CDH18: variants seen among roughly 807,000 people sequenced by gnomAD.
CDH18 encodes the protein cadherin 18, also known as cadherin-18.
Under a neutral mutation model 67.9 loss-of-function variants are expected in CDH18, and 31 were observed. That is an observed-to-expected ratio of 0.46 (90% CI 0.34 to 0.62). The LOEUF is 0.62. CDH18 is among the 20% of genes least tolerant of loss of function. The probability of loss-of-function intolerance (pLI) is 0.01; values close to 1 mark genes in which losing one functional copy is unlikely to be tolerated. For synonymous variants in CDH18, 362 were observed against 347.2 expected (o/e 1.04, Z -0.48); for missense variants, 890 against 975.5 (o/e 0.91, Z 1.17).
intron 10 of CDH18, among the ~76,000 whole-genome samples, chr5:19,509,546 G>A (rs138327197): frequency 1.4e-3 from 213 of 152,142 alleles, no homozygotes; most frequent in Admixed American, 3.1e-3. Context: ...ATCAACTTTT[G>A]TTATTTAAAT....
At chr5:20,381,644 G>C (rs888973227) in intron 1 of CDH18, among the ~76,000 whole-genome samples, 1 of 151,882 alleles carries the variant, frequency 6.6e-6, no homozygotes, top group South Asian at 2.1e-4. Context: ...AAAATGTCTG[G>C]GACTTAATAA....
intron 1 of CDH18, among the ~76,000 whole-genome samples, chr5:20,551,453 G>A (rs771260697): frequency 2.0e-4 from 31 of 152,086 alleles, no homozygotes; most frequent in Non-Finnish European, 2.9e-5. Flanking sequence ...TGCAAGTTAA[G>A]GTTGTGACTT....
intron 1 of CDH18, among the ~76,000 whole-genome samples, chr5:20,334,638 A>T (rs73056772): frequency 0.11 from 16,635 of 152,036 alleles, 1,506 homozygotes; most frequent in East Asian, 0.36. Context: ...AAAGAAGAAT[A>T]GTCCACATTA....
chr5:19,598,498 C>T (rs1377326775), intron 6 of CDH18, among the ~76,000 whole-genome samples: 3 of 151,754 alleles, frequency 2.0e-5, no homozygotes, highest in African/African-American at 7.3e-5. Flanking sequence ...AAGTTTACAA[C>T]AAAAGAAGGA....
At position 19,612,450 on chromosome 5, in the gene CDH18, T is replaced by C; in HGVS notation, c.795A>G (p.Pro265=). 6.2e-7 allele frequency: 1 copy of C among 1,614,072 alleles called. No individual in the cohort carries two copies. ...AATACGTACTTTGAGGAAAGCGTGG[T>C]GGGTTGTCATTGACATCGGTTAAGG... ...NITLTDVNDN[P]PRFPQKHYQL... Residue 265 remains proline (P), a synonymous_variant, in exon 6 of 13, where the codon CCA becomes CCG. Coordinates refer to ENST00000382275, the MANE Select transcript of CDH18 (RefSeq NM_004934.5).
intron 5 of CDH18, among the ~76,000 whole-genome samples, chr5:19,690,679 A>G (rs1248377674): frequency 6.6e-6 from 1 of 151,866 alleles, no homozygotes; most frequent in Non-Finnish European, 1.5e-5. Context: ...GAAAAACTAG[A>G]GAAAATAGAT....
chr5:19,696,224 T>C (rs935745933), intron 5 of CDH18, among the ~76,000 whole-genome samples: 22 of 74,032 alleles, frequency 3.0e-4, no homozygotes, highest in Non-Finnish European at 5.5e-4. Context: ...GCACCAAATA[T>C]ATGTGTGTGT....
chr5:20,211,932 T>C (rs1237988701), intron 2 of CDH18, among the ~76,000 whole-genome samples: 1 of 152,136 alleles, frequency 6.6e-6, no homozygotes, highest in Non-Finnish European at 1.5e-5. Context: ...AAAATGACTT[T>C]GACGAGTTGA....
rs538822597 is a variant in CDH18, at chr5:20,192,708, A to G, written c.-518+62736T>C. 2.5e-4 allele frequency among the ~76,000 whole-genome samples: 38 copies of G among 152,072 alleles called. 1 individual carries two copies. The South Asian group carries it at 7.9e-3, about 32-fold the overall frequency. ...GGTCTTTCTTCTGCTCCATTGGTCT[A>G]TATGTCTGTTTTGGTACCAGCACCA... On this transcript the variant is annotated intron_variant, in intron 2 of 14. Coordinates refer to the CDH18 transcript ENST00000507958.
intron 1 of CDH18, among the ~76,000 whole-genome samples, chr5:20,281,124 T>G (rs1192394310): frequency 1.3e-5 from 2 of 152,074 alleles, no homozygotes; most frequent in Non-Finnish European, 2.9e-5. Context: ...GTCAGATGAG[T>G]AGGTTGCAAA....
chr5:19,550,804 G>A (rs1262448056), intron 8 of CDH18, among the ~76,000 whole-genome samples: 1 of 152,106 alleles, frequency 6.6e-6, no homozygotes, highest in African/African-American at 2.4e-5. Flanking sequence ...GGGTCAAATG[G>A]TATTTCTAGT....
intron 1 of CDH18, among the ~76,000 whole-genome samples, chr5:20,257,781 C>T (rs1744358698): frequency 6.6e-6 from 1 of 152,132 alleles, no homozygotes; most frequent in Non-Finnish European, 1.5e-5. Context: ...TATTTCACTT[C>T]ACTCGAAATC....
intron 2 of CDH18, among the ~76,000 whole-genome samples, chr5:20,114,213 A>T (rs1747707436): frequency 6.6e-6 from 1 of 152,360 alleles, no homozygotes; most frequent in Admixed American, 6.5e-5. Context: ...GTACCTAAAA[A>T]TATCTTGGAA....
chr5:20,053,769 C>T (rs887028772), intron 2 of CDH18, among the ~76,000 whole-genome samples: 2 of 152,110 alleles, frequency 1.3e-5, no homozygotes, highest in African/African-American at 4.8e-5. Context: ...CATCTCCTCT[C>T]CACCCACCTC....
intron 2 of CDH18, among the ~76,000 whole-genome samples, chr5:20,194,052 T>A (rs1738760416): frequency 6.6e-6 from 1 of 152,152 alleles, no homozygotes; most frequent in Non-Finnish European, 1.5e-5. Context: ...AAGACAAGGA[T>A]GACCTCTCTC....
intron 2 of CDH18, among the ~76,000 whole-genome samples, chr5:19,956,535 T>A (rs1001447435): frequency 6.6e-6 from 1 of 151,354 alleles, no homozygotes; most frequent in African/African-American, 2.4e-5. Context: ...AAAAAGGTCC[T>A]AAAATATTTA....
At chr5:19,598,761 T>C (rs745611554) in intron 6 of CDH18, among the ~76,000 whole-genome samples, 1 of 152,160 alleles carries the variant, frequency 6.6e-6, no homozygotes, top group Non-Finnish European at 1.5e-5. Flanking sequence ...TCAAGTTGGC[T>C]GTAGCAAAGG....
chr5:19,668,194 T>C (rs1014665484), intron 5 of CDH18, among the ~76,000 whole-genome samples: 1 of 152,090 alleles, frequency 6.6e-6, no homozygotes, highest in African/African-American at 2.4e-5. Flanking sequence ...TTACATTTTA[T>C]TTTAACTATT....
At chr5:19,966,140 C>T (rs549878729) in intron 2 of CDH18, among the ~76,000 whole-genome samples, 1 of 152,172 alleles carries the variant, frequency 6.6e-6, no homozygotes, top group East Asian at 1.9e-4. Context: ...GAAAGAAAGG[C>T]AACAGAAAGA....
Sources: allele counts gnomAD v4.1 joint callset (sites outside exome capture counted in the v4.1 genomes callset), GRCh38; gene constraint gnomAD v4.1.1; transcripts MANE v1.5; gene names NCBI Gene and HGNC (gene_info 2026-07-23, HGNC 2026-07-21).